The following PEAK1 variants were observed in gnomAD, a reference collection of about 807,000 sequenced individuals.
PEAK1 encodes inactive tyrosine-protein kinase PEAK1.
In PEAK1, 54 loss-of-function variants were observed where a neutral mutation model predicts 124.7. The observed-to-expected ratio is 0.43, with a 90% confidence interval of 0.35 to 0.54. The LOEUF is 0.54. Ranked by LOEUF, PEAK1 falls within the 20% of genes least tolerant of loss-of-function variation. The probability of loss-of-function intolerance (pLI) is 0.01; values close to 1 mark genes in which losing one functional copy is unlikely to be tolerated. For missense variants in PEAK1, 2,046 were observed against 2,134.5 expected (o/e 0.96, Z 0.82); for synonymous variants, 719 against 760.0 (o/e 0.95, Z 0.89).
chr15:77,246,650 A>G (rs1301404441), intron 6 of PEAK1, among the ~76,000 whole-genome samples: 3 of 151,994 alleles, frequency 2.0e-5, no homozygotes, highest in Admixed American at 2.0e-4. Context: ...AAAAATTTAC[A>G]CCTATGTTTT....
chr15:77,321,977 A>T (rs540724522), intron 2 of PEAK1, among the ~76,000 whole-genome samples: 1 of 152,168 alleles, frequency 6.6e-6, no homozygotes, highest in African/African-American at 2.4e-5. Context: ...TAAGAAACTC[A>T]CTCAAAACCG....
intron 5 of PEAK1, among the ~76,000 whole-genome samples, chr15:77,264,787 G>C (rs1269550412): frequency 1.3e-5 from 2 of 151,932 alleles, no homozygotes; most frequent in African/African-American, 4.8e-5. Context: ...AAAAGAGCCC[G>C]CATCGCCAAG....
At chr15:77,260,885 C>A (rs968556747) in intron 5 of PEAK1, among the ~76,000 whole-genome samples, 1 of 152,210 alleles carries the variant, frequency 6.6e-6, no homozygotes, top group Non-Finnish European at 1.5e-5. Flanking sequence ...TAGAGGCAGA[C>A]TGACACCTCA....
chr15:77,341,437 T>C (rs1044455097), intron 2 of PEAK1, among the ~76,000 whole-genome samples: 2 of 151,796 alleles, frequency 1.3e-5, no homozygotes, highest in Non-Finnish European at 2.9e-5. Flanking sequence ...GAGGCAGAGG[T>C]TGCAGTGAGC....
intron 5 of PEAK1, among the ~76,000 whole-genome samples, chr15:77,275,715 T>C (rs575243536): frequency 6.7e-6 from 1 of 149,566 alleles, no homozygotes; most frequent in Admixed American, 6.7e-5. Context: ...CTCAAAAAAA[T>C]AAATAAATAA....
intron 2 of PEAK1, among the ~76,000 whole-genome samples, chr15:77,362,255 G>C (rs1033712556): frequency 6.6e-6 from 1 of 151,750 alleles, no homozygotes; most frequent in African/African-American, 2.4e-5. Context: ...CTGAGATGAT[G>C]GATATGTTAA....
downstream of PEAK1, chr15:77,103,779 CAA>C (rs2050719532): frequency 6.6e-6 from 1 of 152,242 alleles, no homozygotes; most frequent in South Asian, 2.1e-4. Context: ...AGATGGAGAG[CAA>C]ACAGGCAAGT....
In PEAK1 at chr15:77,147,138, T is replaced by C. The variant is rs1401642745; in HGVS notation, c.3331+11365A>G. Among the ~76,000 whole-genome samples, 2 of 152,212 alleles carry C rather than the reference T, an allele frequency of 1.3e-5. 1 individual carries two copies. Among genetic ancestry groups the C allele is most frequent in the Non-Finnish European group, 2.9e-5 (2 of 68,030 alleles). On this transcript the variant is annotated intron_variant, in intron 8 of 9. Transcript: ENST00000682557. Reference sequence around the variant, plus strand: ...CATAACTCCTTAATTAGGAAACCTATGGACGAAGCCTCATATTAGAAAAAG... The same window carrying C: ...CATAACTCCTTAATTAGGAAACCTACGGACGAAGCCTCATATTAGAAAAAG...
chr15:77,210,052 T>A (rs754360037), intron 6 of PEAK1, among the ~76,000 whole-genome samples: 21 of 152,298 alleles, frequency 1.4e-4, no homozygotes, highest in Admixed American at 2.6e-4. Context: ...AGTTTCCTCA[T>A]CTATCAAATA....
Position 77,182,175 on chromosome 15 carries a change from T to G in PEAK1, c.-114-135A>C, listed in dbSNP as rs532834884. On this transcript the variant is annotated intron_variant, in intron 6 of 9. Coordinates refer to ENST00000682557, the MANE Select transcript of PEAK1 (RefSeq NM_001385026.1). ...TAAAAGACTGAGAGCTAAACTAATT[T>G]GTGTACTTTGTAATTTCCCTTTAGC... 66 of 757,472 alleles carry G rather than the reference T, an allele frequency of 8.7e-5. 1 individual carries two copies. In the South Asian group the frequency reaches 2.8e-3, roughly 33 times the overall value. 46.9% of individuals were successfully genotyped at this position (757,472 alleles called of 1,614,324 possible). A position where few individuals can be genotyped will look rare whatever the true frequency, so the allele number is the denominator to read the frequency against.
At chr15:77,124,356 AC>A (rs1298366004) in intron 9 of PEAK1, among the ~76,000 whole-genome samples, 1 of 152,234 alleles carries the variant, frequency 6.6e-6, no homozygotes, top group Non-Finnish European at 1.5e-5. Context: ...TCTTCTGAGT[AC>A]CAAACCCATA....
intron 9 of PEAK1, among the ~76,000 whole-genome samples, chr15:77,124,608 G>T (rs2052213983): frequency 6.6e-6 from 1 of 152,086 alleles, no homozygotes; most frequent in Admixed American, 6.6e-5. Flanking sequence ...CTTACATCAG[G>T]TCTCATTTTA....
chr15:77,313,506 GC>G, intron 2 of PEAK1, among the ~76,000 whole-genome samples: 1 of 151,518 alleles, frequency 6.6e-6, no homozygotes, highest in East Asian at 1.9e-4. Flanking sequence ...CACTCTTGTT[GC>G]CCAAGCTGGA....
At chr15:77,246,257 T>C (rs895785736) in intron 6 of PEAK1, among the ~76,000 whole-genome samples, 1 of 152,190 alleles carries the variant, frequency 6.6e-6, no homozygotes, top group African/African-American at 2.4e-5. Context: ...TCCGCCTGCC[T>C]CGGCCTCCCA....
chr15:77,402,178 A>AC (rs1317874943), intron 1 of PEAK1: 1 of 982,662 alleles, frequency 1.0e-6, no homozygotes, highest in South Asian at 4.7e-5. Flanking sequence ...GAAAAAAAAA[A>AC]AAAAGGGACC....
intron 2 of PEAK1, among the ~76,000 whole-genome samples, chr15:77,307,767 T>G (rs1310991123): frequency 6.6e-6 from 1 of 152,052 alleles, no homozygotes; most frequent in Non-Finnish European, 1.5e-5. Context: ...GGGATACAAT[T>G]TGGAAAGGAT....
chr15:77,161,994 G>C lies in PEAK1; in HGVS notation c.3138-3298C>G, dbSNP rs1209338762. On this transcript the variant is annotated intron_variant, in intron 7 of 9. Transcript: ENST00000682557. ...AAAAAAAAAAAAAAAAGATAAAAGA[G>C]AGACAGGGGAAAAGGGAGAGGTTCT... 2.7e-5 allele frequency among the ~76,000 whole-genome samples: 4 copies of C among 147,380 alleles called. No individual in the cohort carries two copies. The East Asian group carries it at 7.8e-4, about 29-fold the overall frequency.
chr15:77,289,252 C>A (rs1255961892), intron 2 of PEAK1, among the ~76,000 whole-genome samples: 1 of 152,162 alleles, frequency 6.6e-6, no homozygotes, highest in Non-Finnish European at 1.5e-5. Context: ...GGTATCCCCA[C>A]TGAATTAGCA....
intron 2 of PEAK1, among the ~76,000 whole-genome samples, chr15:77,300,509 G>T (rs1359494089): frequency 3.3e-5 from 5 of 152,236 alleles, no homozygotes; most frequent in African/African-American, 9.6e-5. Flanking sequence ...TAGACAAATT[G>T]TGAAGATAGT....
Sources: gnomAD v4.1 joint callset for allele counts (sites outside exome capture counted in the v4.1 genomes callset) on GRCh38, gnomAD v4.1.1 for gene constraint, MANE v1.5 for transcripts, NCBI Gene and HGNC (gene_info 2026-07-23, HGNC 2026-07-21) for gene names.